Variants in PCED1B observed in about 807,000 individuals in gnomAD.
PCED1B encodes the protein PC-esterase domain-containing protein 1B.
For missense variants in PCED1B, 573 were observed against 573.9 expected (o/e 1.00, Z 0.02); for synonymous variants, 251 against 246.1 (o/e 1.02, Z -0.19).
chr12:47,105,488 G>A lies in PCED1B; in HGVS notation c.-526+1293G>A, dbSNP rs537987035. 7.2e-5 allele frequency among the ~76,000 whole-genome samples: 11 copies of A among 152,316 alleles called. No individual in the cohort carries two copies. In the South Asian group the frequency reaches 2.3e-3, roughly 32 times the overall value. The stretch of plus-strand genomic sequence containing the variant: ...CAGAAAAGAAAAAGTGTGTAGTGCT[G>A]TGCATGCAGCATTGGTAGAAATGGG... On this transcript the variant is annotated intron_variant, in intron 2 of 3. Coordinates refer to ENST00000546455, the MANE Select transcript of PCED1B (RefSeq NM_138371.3).
intron 2 of PCED1B, among the ~76,000 whole-genome samples, chr12:47,162,987 G>A (rs2137514048): frequency 6.6e-6 from 1 of 152,236 alleles, no homozygotes; most frequent in East Asian, 1.9e-4. Context: ...AATTTTAATA[G>A]GGATTGCATT....
At chr12:47,081,718 G>T (rs1477769168) in intron 1 of PCED1B, among the ~76,000 whole-genome samples, 3 of 152,084 alleles carry the variant, frequency 2.0e-5, no homozygotes, top group Admixed American at 2.0e-4. Context: ...ATCGCTCAGA[G>T]GAATATTTTT....
intron 2 of PCED1B, among the ~76,000 whole-genome samples, chr12:47,181,572 G>A (rs1294709683): frequency 2.0e-5 from 3 of 151,700 alleles, no homozygotes; most frequent in Non-Finnish European, 4.4e-5. Context: ...TCACCATGTT[G>A]GCCAGGCAGG....
intron 2 of PCED1B, among the ~76,000 whole-genome samples, chr12:47,125,380 T>G (rs1438009367): frequency 6.6e-6 from 1 of 152,096 alleles, no homozygotes; most frequent in Non-Finnish European, 1.5e-5. Context: ...TTTATTTGCC[T>G]ATCTGATGGC....
At chr12:47,230,733 C>T (rs538827239) in intron 3 of PCED1B, among the ~76,000 whole-genome samples, 4 of 152,290 alleles carry the variant, frequency 2.6e-5, no homozygotes, top group Admixed American at 6.5e-5. Context: ...TGAGCCTCCT[C>T]GCCTGGCCAA....
At chr12:47,204,975 G>A (rs1942871013) in intron 2 of PCED1B, among the ~76,000 whole-genome samples, 1 of 152,072 alleles carries the variant, frequency 6.6e-6, no homozygotes, top group Non-Finnish European at 1.5e-5. Flanking sequence ...GGTTCTCCTT[G>A]CCCACTGCCT....
At chr12:47,161,840 A>G (rs1941390002) in intron 2 of PCED1B, among the ~76,000 whole-genome samples, 1 of 152,226 alleles carries the variant, frequency 6.6e-6, no homozygotes. Flanking sequence ...ACTATTCACA[A>G]TAGCAAAGAC....
At chr12:47,149,968 TATAAG>T (rs1940930495) in intron 2 of PCED1B, among the ~76,000 whole-genome samples, 1 of 152,290 alleles carries the variant, frequency 6.6e-6, no homozygotes, top group Admixed American at 6.5e-5. Context: ...CTCAAGCATT[TATAAG>T]ATATTTCTTA....
At chr12:47,186,685 TTC>T (rs1162782418) in intron 2 of PCED1B, among the ~76,000 whole-genome samples, 1 of 152,140 alleles carries the variant, frequency 6.6e-6, no homozygotes, top group Non-Finnish European at 1.5e-5. Flanking sequence ...AAAAGGTTTT[TTC>T]CCCTACAGCT....
chr12:47,201,208 T>C (rs147913044), intron 2 of PCED1B, among the ~76,000 whole-genome samples: 116 of 152,282 alleles, frequency 7.6e-4, no homozygotes, highest in South Asian at 2.1e-3. Flanking sequence ...AAAGGATAAA[T>C]GGTTACAGGA....
At chr12:47,186,306 ATGACTT>A (rs1457160739) in intron 2 of PCED1B, among the ~76,000 whole-genome samples, 6 of 99,936 alleles carry the variant, frequency 6.0e-5, no homozygotes, top group Non-Finnish European at 1.2e-4. Flanking sequence ...ACAAAGGAAA[ATGACTT>A]TGAGCTTCTA....
rs146583919 is a variant in PCED1B at position 47,148,084 on chromosome 12, T to C, written c.-526+43889T>C. ...GCATGTTGTGAAAGCCTTCATGCTA[T>C]GCCATCGCATGGTGGAAGGCAGAAG... On this transcript the variant is annotated intron_variant, in intron 2 of 3. Transcript: ENST00000546455. Among the ~76,000 whole-genome samples, 61 of 152,316 alleles carry C rather than the reference T, an allele frequency of 4.0e-4. No homozygotes were observed. The East Asian group carries it at 0.011, about 27-fold the overall frequency.
intron 1 of PCED1B, among the ~76,000 whole-genome samples, chr12:47,099,149 G>T (rs1248576639): frequency 6.6e-6 from 1 of 152,172 alleles, no homozygotes; most frequent in Non-Finnish European, 1.5e-5. Context: ...CTTTCACACT[G>T]TCAAATACTG....
At chr12:47,122,026 CA>C (rs61540740) in intron 2 of PCED1B, among the ~76,000 whole-genome samples, 43,010 of 103,444 alleles carry the variant, frequency 0.42, 6,503 homozygotes, top group Middle Eastern at 0.45. Flanking sequence ...GACTCCATCT[CA>C]AAAAAAAAAA....
chr12:47,080,656 A>C (rs1937653044), intron 1 of PCED1B, among the ~76,000 whole-genome samples: 1 of 152,206 alleles, frequency 6.6e-6, no homozygotes, highest in Non-Finnish European at 1.5e-5. Context: ...GTCCAATTCA[A>C]GAAGGAGGAG....
intron 2 of PCED1B, among the ~76,000 whole-genome samples, chr12:47,164,954 G>T (rs1941498066): frequency 1.3e-5 from 2 of 152,332 alleles, no homozygotes; most frequent in Non-Finnish European, 2.9e-5. Flanking sequence ...ATGGGGAATA[G>T]TTGGAACTGT....
At chr12:47,191,135 A>G (rs1439174885) in intron 2 of PCED1B, among the ~76,000 whole-genome samples, 1 of 152,218 alleles carries the variant, frequency 6.6e-6, no homozygotes, top group Non-Finnish European at 1.5e-5. Context: ...AAGAAGTAAA[A>G]TGAACATCTT....
intron 2 of PCED1B, among the ~76,000 whole-genome samples, chr12:47,129,288 C>T (rs911190539): frequency 6.6e-6 from 1 of 152,044 alleles, no homozygotes; most frequent in African/African-American, 2.4e-5. Flanking sequence ...ACCTGGGCAA[C>T]ATGGTGAAAC....
At chr12:47,130,505 C>T (rs1358462553) in intron 2 of PCED1B, among the ~76,000 whole-genome samples, 1 of 152,028 alleles carries the variant, frequency 6.6e-6, no homozygotes, top group Non-Finnish European at 1.5e-5. Context: ...AGTGAAATCC[C>T]ATCCCTACAA....
Sources: gnomAD v4.1 joint callset for allele counts (sites outside exome capture counted in the v4.1 genomes callset) on GRCh38, gnomAD v4.1.1 for gene constraint, MANE v1.5 for transcripts, NCBI Gene and HGNC (gene_info 2026-07-23, HGNC 2026-07-21) for gene names.